Variants in SULT2A1 observed in about 807,000 individuals in gnomAD.
SULT2A1 encodes the protein sulfotransferase family 2A member 1, also known as sulfotransferase 2A1.
Under a neutral mutation model 33.9 loss-of-function variants are expected in SULT2A1, and 43 were observed. The ratio of observed to expected loss-of-function variants is 1.27; its 90% CI spans 1.00 to 1.64. The LOEUF (loss-of-function observed/expected upper bound fraction) is 1.64. Among genes scored for constraint, SULT2A1 ranks in the 40% most tolerant of loss-of-function variants. The probability of loss-of-function intolerance (pLI) is 0.00; values close to 1 mark genes in which losing one functional copy is unlikely to be tolerated. For synonymous variants in SULT2A1, 125 were observed against 113.6 expected (o/e 1.10, Z -0.64); for missense variants, 300 against 335.1 (o/e 0.90, Z 0.82).
chr19:47,884,274 C>T (rs1266334695), intron 1 of SULT2A1, among the ~76,000 whole-genome samples: 8 of 151,014 alleles, frequency 5.3e-5, no homozygotes, highest in Non-Finnish European at 8.9e-5. Context: ...CGGGTTCATG[C>T]CATTCTCCTG....
At chr19:47,884,104 C>CAA (rs532247197) in intron 1 of SULT2A1, among the ~76,000 whole-genome samples, 4 of 116,196 alleles carry the variant, frequency 3.4e-5, no homozygotes, top group South Asian at 2.8e-4. Context: ...GACTCAGTCT[C>CAA]AAAAAAAAAA....
At chr19:47,874,187 C>T (rs1326078302) in intron 5 of SULT2A1, among the ~76,000 whole-genome samples, 1 of 152,132 alleles carries the variant, frequency 6.6e-6, no homozygotes, top group Non-Finnish European at 1.5e-5. Context: ...ACATCAGTAC[C>T]ACAAGAAGAG....
At chr19:47,886,037 G>A in intron 1 of SULT2A1, 85 bp downstream of exon 1, 1 of 1,504,078 alleles carries the variant, frequency 6.6e-7, no homozygotes, top group Non-Finnish European at 9.1e-7. Flanking sequence ...TACACTGTCT[G>A]ACATAAAGGA....
At chr19:47,880,743 C>A (rs1455866685) in intron 3 of SULT2A1, among the ~76,000 whole-genome samples, 1 of 152,002 alleles carries the variant, frequency 6.6e-6, no homozygotes, top group Non-Finnish European at 1.5e-5. Context: ...CATGCCACCA[C>A]ACTCGGCTAA....
In SULT2A1 at chr19:47,883,786, C is replaced by T. The variant is rs757756426; in HGVS notation, c.137-1G>A. ...AGAATCTCAGCCAACCAGTTTGTTC[C>T]TGGAAAAAGAAGGAAAAAAATATAT... On this transcript the variant is annotated splice_acceptor_variant, in intron 1 of 5. Transcript: ENST00000222002. LOFTEE classifies it high-confidence loss of function. 1 of 1,613,676 alleles carries T rather than the reference C, an allele frequency of 6.2e-7. No homozygotes were observed. The highest frequency in any genetic ancestry group is 2.2e-5 in the East Asian group (1 of 44,840).
rs1243314727 is a variant in SULT2A1, at chr19:47,886,123, T to A, written c.135A>T (p.Ser45=). The change falls in exon 1 of 6, where the codon TCA becomes TCT. Residue 45 remains serine (S), a splice_region_variant and synonymous_variant. Coordinates refer to ENST00000222002, the MANE Select transcript of SULT2A1 (RefSeq NM_003167.4). ...EDVIILTYPK[S]GTNWLAEILC... ...CAGTTCACGATTCTGCCTCCTTACCTGATTTGGGGTAAGTCAATATTATTA... is the reference window on the plus strand; with the variant it reads ...CAGTTCACGATTCTGCCTCCTTACCAGATTTGGGGTAAGTCAATATTATTA... 1 of 1,613,776 alleles carries A rather than the reference T, an allele frequency of 6.2e-7. No individual in the cohort carries two copies. Among genetic ancestry groups the A allele is most frequent in the South Asian group, 1.1e-5 (1 of 91,004 alleles).
intron 4 of SULT2A1, among the ~76,000 whole-genome samples, chr19:47,876,739 C>T (rs1368951944): frequency 1.4e-5 from 2 of 146,574 alleles, no homozygotes; most frequent in African/African-American, 5.1e-5. Flanking sequence ...CACTGCACTC[C>T]AGCCTGGGTG....
Position 47,883,662 on chromosome 19 carries a change from A to G in SULT2A1, c.260T>C (p.Leu87Pro), listed in dbSNP as rs1968624175. 10 of 1,613,978 alleles carry G rather than the reference A, an allele frequency of 6.2e-6. No individual in the cohort carries two copies. Among genetic ancestry groups the G allele is most frequent in the African/African-American group, 1.3e-5 (1 of 74,898 alleles). ...WVESEIGYTA[L>P]SETESPRLFS... ...TAAACGTGGACTCTCCGTTTCACTG[A>G]GTGCTGTATACCCAATCTCACTCTC... Residue 87 changes from leucine to proline, a missense_variant, in exon 2 of 6, where the codon CTC becomes CCC. Transcript: ENST00000222002.
chr19:47,872,067 A>G (rs62529874), intron 5 of SULT2A1, among the ~76,000 whole-genome samples: 5,213 of 151,928 alleles, frequency 0.034, 283 homozygotes, highest in African/African-American at 0.12. Context: ...ACAGGTGCCT[A>G]CCACCACGCC....
rs530920763 is a variant in SULT2A1, at chr19:47,881,917, G to A, written c.472+167C>T. 2.6e-5 allele frequency among the ~76,000 whole-genome samples: 4 copies of A among 152,136 alleles called. No individual in the cohort carries two copies. The East Asian group carries it at 7.8e-4, about 30-fold the overall frequency. On this transcript the variant is annotated intron_variant, in intron 3 of 5. Coordinates refer to ENST00000222002, the MANE Select transcript of SULT2A1 (RefSeq NM_003167.4). Reference sequence around the variant, plus strand: ...ATGGGGCAAGCTGAGGGGCCGGCTAGAGTTCTGCTGCTATGCGGGAGAGTA... The same window carrying A: ...ATGGGGCAAGCTGAGGGGCCGGCTAAAGTTCTGCTGCTATGCGGGAGAGTA...
At chr19:47,882,340 T>C (rs1182270463) in intron 2 of SULT2A1, 130 bp from the exon 3 acceptor site, 29 of 1,141,646 alleles carry the variant, frequency 2.5e-5, no homozygotes, top group Non-Finnish European at 3.4e-5. Flanking sequence ...TTTTAACAAA[T>C]TACTTACTGC....
At chr19:47,879,645 G>A (rs548145042) in intron 3 of SULT2A1, among the ~76,000 whole-genome samples, 30 of 152,044 alleles carry the variant, frequency 2.0e-4, no homozygotes, top group Admixed American at 1.6e-3. Flanking sequence ...TGGATGAAGC[G>A]GGAAACCATC....
chr19:47,885,378 A>G (rs55662444), intron 1 of SULT2A1, among the ~76,000 whole-genome samples: 62,075 of 151,668 alleles, frequency 0.41, 13,111 homozygotes, highest in East Asian at 0.67. Flanking sequence ...CATTTAGCAT[A>G]ATGTCCTTGA....
In SULT2A1 at chr19:47,882,136, A is replaced by G. The variant is rs1968610494; in HGVS notation, c.420T>C (p.Ile140=). 2.5e-6 allele frequency: 4 copies of G among 1,614,058 alleles called. No homozygotes were observed. Among genetic ancestry groups the G allele is most frequent in the Non-Finnish European group, 3.4e-6 (4 of 1,180,004 alleles). ...GYFFWKNMKF[I]KKPKSWEEYF... is the part of the protein sequence containing the mutation. ...ATTCTTCCCATGACTTTGGTTTCTT[A>G]ATAAACTTCATGTTTTTCCAGAAAA... Residue 140 remains isoleucine, a synonymous_variant, in exon 3 of 6, where the codon ATT becomes ATC. Coordinates refer to ENST00000222002, the MANE Select transcript of SULT2A1 (RefSeq NM_003167.4).
At chr19:47,874,881 G>C (rs1463270887) in intron 4 of SULT2A1, 47 bp from the exon 5 acceptor site, 5 of 1,571,844 alleles carry the variant, frequency 3.2e-6, no homozygotes, top group African/African-American at 1.4e-5. Context: ...GAAAGACAAG[G>C]CTGGGCGTGG....
intron 3 of SULT2A1, among the ~76,000 whole-genome samples, chr19:47,880,049 A>T (rs1313369643): frequency 6.6e-6 from 1 of 151,840 alleles, no homozygotes; most frequent in Non-Finnish European, 1.5e-5. Flanking sequence ...ATCCTGGCTA[A>T]CACAGTGAAA....
intron 2 of SULT2A1, among the ~76,000 whole-genome samples, 164 bp downstream of exon 2, chr19:47,883,413 T>G (rs1968621039): frequency 6.6e-6 from 1 of 152,058 alleles, no homozygotes; most frequent in Non-Finnish European, 1.5e-5. Context: ...TCAAGGACAG[T>G]TCTGGGAGCA....
intron 5 of SULT2A1, 53 bp from the exon 6 acceptor site, chr19:47,871,620 C>G (rs933484987): frequency 8.4e-7 from 1 of 1,190,282 alleles, no homozygotes; most frequent in African/African-American, 1.5e-5. Context: ...CTTGACCTGT[C>G]TCCACCAGGC....
intron 4 of SULT2A1, 88 bp from the exon 5 acceptor site, chr19:47,874,922 G>C: frequency 8.3e-7 from 1 of 1,199,144 alleles, no homozygotes; most frequent in Admixed American, 2.3e-5. Flanking sequence ...AGCACTCTGG[G>C]AGGCTGAGGC....
Sources: gnomAD v4.1 joint callset for allele counts (sites outside exome capture counted in the v4.1 genomes callset) on GRCh38, gnomAD v4.1.1 for gene constraint, MANE v1.5 for transcripts, NCBI Gene and HGNC (gene_info 2026-07-23, HGNC 2026-07-21) for gene names.